COP1: variants seen among roughly 807,000 people sequenced by gnomAD.
The protein encoded by COP1 is E3 ubiquitin-protein ligase COP1.
A neutral mutation model predicts 101.3 loss-of-function variants in COP1; 24 were observed. That is an observed-to-expected ratio of 0.24 (90% confidence interval 0.17 to 0.33). The LOEUF (loss-of-function observed/expected upper bound fraction) is 0.33. Ranked by LOEUF, COP1 falls within the 10% of genes least tolerant of loss-of-function variation. The probability of loss-of-function intolerance (pLI) is 1.00; values close to 1 mark genes in which losing one functional copy is unlikely to be tolerated. For missense variants in COP1, 663 were observed against 906.2 expected, an observed-to-expected ratio of 0.73 and a Z score of 3.45; for synonymous variants, 347 against 341.9, an observed-to-expected ratio of 1.01 and a Z score of -0.17.
At chr1:176,158,630 CTTTTT>C (rs35518162) in intron 5 of COP1, among the ~76,000 whole-genome samples, 8 of 79,314 alleles carry the variant, frequency 1.0e-4, no homozygotes, top group African/African-American at 3.5e-4. Flanking sequence ...TTTTAAGGTT[CTTTTT>C]TTTTTTTTTT....
chr1:176,020,350 GGGCCCAGCACAT>G (rs1268933744), intron 15 of COP1, among the ~76,000 whole-genome samples: 1 of 149,654 alleles, frequency 6.7e-6, no homozygotes, highest in Non-Finnish European at 1.5e-5. Context: ...CTCACTAACA[GGGCCCAGCACAT>G]GGTTTATACA....
chr1:176,010,646 A>T (rs1664498049), intron 15 of COP1, among the ~76,000 whole-genome samples: 1 of 152,222 alleles, frequency 6.6e-6, no homozygotes, highest in South Asian at 2.1e-4. Flanking sequence ...GTGATGCCAA[A>T]TTTGATTACT....
At chr1:175,945,677 T>C (rs1649077305) in intron 19 of COP1, among the ~76,000 whole-genome samples, 1 of 152,342 alleles carries the variant, frequency 6.6e-6, no homozygotes, top group South Asian at 2.1e-4. Flanking sequence ...TAAAGTAGTA[T>C]ACTGTCATAA....
At position 176,206,777 on chromosome 1, in the gene COP1, C is replaced by T. The variant is rs769118592; in HGVS notation, c.202G>A (p.Val68Met). The T allele has an allele frequency of 4.1e-5, 59 of 1,425,136 alleles. No homozygotes were observed. The highest frequency in any genetic ancestry group is 5.0e-5 in the Non-Finnish European group (55 of 1,099,848). The allele number at this position is 1,425,136 out of a possible 1,614,324, so 88.3% of individuals were successfully genotyped here. ...CCCGATACGGCGGGCGCCACCAACA[C>T]AGGCCGCACCGGGCCCCCGAGGCCG... ...SGGLGGPVRP[V>M]LVAPAVSGSG... The change falls in exon 1 of 20, where the codon GTG (valine) becomes ATG (methionine). Residue 68 changes from valine (V) to methionine (M), a missense_variant. Coordinates refer to ENST00000367669, the MANE Select transcript of COP1 (RefSeq NM_022457.7).
intron 14 of COP1, among the ~76,000 whole-genome samples, chr1:176,028,553 A>C (rs1212753176): frequency 6.6e-6 from 1 of 151,026 alleles, no homozygotes; most frequent in African/African-American, 2.4e-5. Context: ...AATGAAATGA[A>C]ATAAAAAAAG....
Position 176,135,100 on chromosome 1 carries a change from T to C in COP1, c.892-14A>G, listed in dbSNP as rs758772889. 55 of 1,519,940 alleles carry C rather than the reference T, an allele frequency of 3.6e-5. 1 individual carries two copies. The South Asian group carries it at 5.7e-4, about 16-fold the overall frequency. The allele number at this position is 1,519,940 out of a possible 1,614,324, so 94.2% of individuals were successfully genotyped here. ...GCCACTCATTTCCTGAAAATAAAATTATTTGAATTATAGTAGATATTTCAA... is the reference window on the plus strand; with the variant it reads ...GCCACTCATTTCCTGAAAATAAAATCATTTGAATTATAGTAGATATTTCAA... On this transcript the variant is annotated splice_polypyrimidine_tract_variant and intron_variant, in intron 7 of 19. Coordinates refer to ENST00000367669, the MANE Select transcript of COP1 (RefSeq NM_022457.7).
At chr1:176,034,419 G>A (rs1234192025) in intron 14 of COP1, among the ~76,000 whole-genome samples, 1 of 152,112 alleles carries the variant, frequency 6.6e-6, no homozygotes, top group Non-Finnish European at 1.5e-5. Context: ...ATATAAAAAG[G>A]AGCATCTGTG....
chr1:176,081,090 T>C, intron 11 of COP1, 62 bp downstream of exon 11: 2 of 1,404,292 alleles, frequency 1.4e-6, no homozygotes, highest in Non-Finnish European at 2.0e-6. Flanking sequence ...TAAGTGCTTC[T>C]CAAATTCAAT....
intron 15 of COP1, among the ~76,000 whole-genome samples, chr1:175,991,258 A>T (rs932833264): frequency 6.6e-6 from 1 of 152,174 alleles, no homozygotes. Context: ...GGAATAGCCT[A>T]TTGTGCTCCT....
At chr1:176,112,113 G>A (rs1685391159) in intron 9 of COP1, among the ~76,000 whole-genome samples, 1 of 151,818 alleles carries the variant, frequency 6.6e-6, no homozygotes, top group African/African-American at 2.4e-5. Flanking sequence ...ATAGCAATAG[G>A]ATTTCTTGTG....
intron 15 of COP1, among the ~76,000 whole-genome samples, chr1:176,007,786 GCTGT>G (rs1370572223): frequency 6.6e-6 from 1 of 152,160 alleles, no homozygotes; most frequent in African/African-American, 2.4e-5. Flanking sequence ...AGAGGTTACT[GCTGT>G]CTTTTTGTTT....
chr1:175,984,437 T>C (rs549985980), intron 18 of COP1, among the ~76,000 whole-genome samples: 4 of 152,190 alleles, frequency 2.6e-5, no homozygotes, highest in Non-Finnish European at 1.5e-5. Flanking sequence ...AGAGGATGTA[T>C]GGAAACGCCT....
At chr1:176,155,317 A>G (rs1047702752) in intron 5 of COP1, among the ~76,000 whole-genome samples, 1 of 152,004 alleles carries the variant, frequency 6.6e-6, no homozygotes, top group Non-Finnish European at 1.5e-5. Context: ...GCTCCTAAAA[A>G]CTAAAATAAA....
At chr1:176,006,390 T>C (rs1300105914) in intron 15 of COP1, among the ~76,000 whole-genome samples, 3 of 152,210 alleles carry the variant, frequency 2.0e-5, no homozygotes, top group South Asian at 2.1e-4. Context: ...ATCCTGTCAT[T>C]ATGATGTTAG....
rs758892504 is a variant in COP1 at position 176,043,210 on chromosome 1, C to A, written c.1588G>T (p.Ala530Ser). The A allele has an allele frequency of 6.2e-7, 1 of 1,612,702 alleles. No individual in the cohort carries two copies. Among genetic ancestry groups the A allele is most frequent in the Non-Finnish European group, 8.5e-7 (1 of 1,178,918 alleles). Residue 530 changes from alanine to serine, a missense_variant, in exon 14 of 20, where the codon GCT (alanine) becomes TCT (serine). This residue lies in a region of COP1 where 209 missense variants were observed against 383.3 expected (regional missense o/e 0.55). Coordinates refer to ENST00000367669, the MANE Select transcript of COP1 (RefSeq NM_022457.7). ...DFNLMDPKLL[A>S]SGSDDAKVKL... ...CCTTTTGCATCATCAGAACCTGAAGCCAAGAGTTTAGGATCCATCAAATTA... is the reference window on the plus strand; with the variant it reads ...CCTTTTGCATCATCAGAACCTGAAGACAAGAGTTTAGGATCCATCAAATTA...
intron 15 of COP1, among the ~76,000 whole-genome samples, chr1:176,019,939 TATTTTA>T (rs1395042568): frequency 2.6e-5 from 4 of 152,318 alleles, no homozygotes; most frequent in Middle Eastern, 3.4e-3. Context: ...ATGATTTGTT[TATTTTA>T]ATTTTATCTG....
intron 1 of COP1, among the ~76,000 whole-genome samples, chr1:176,195,245 T>C (rs1558297873): frequency 1.3e-5 from 2 of 152,094 alleles, no homozygotes; most frequent in South Asian, 2.1e-4. Context: ...ACAAGGAATA[T>C]TATCAGGAAT....
chr1:176,065,017 G>C (rs1165185688), intron 11 of COP1, among the ~76,000 whole-genome samples: 1 of 152,150 alleles, frequency 6.6e-6, no homozygotes, highest in Non-Finnish European at 1.5e-5. Context: ...AATTTAGAGA[G>C]ACACAAACCA....
chr1:176,007,737 C>A (rs1663681939), intron 15 of COP1, among the ~76,000 whole-genome samples: 1 of 152,154 alleles, frequency 6.6e-6, no homozygotes, highest in South Asian at 2.1e-4. Context: ...AGAACCACTG[C>A]TCTCTTCAAA....
Sources: gnomAD v4.1 joint callset for allele counts (sites outside exome capture counted in the v4.1 genomes callset) on GRCh38, gnomAD v4.1.1 for gene constraint, gnomAD v4.1.1 regional missense constraint, MANE v1.5 for transcripts, NCBI Gene and HGNC (gene_info 2026-07-23, HGNC 2026-07-21) for gene names.